FILIP1L: variants seen among roughly 807,000 people sequenced by gnomAD.
The protein encoded by FILIP1L is filamin A-interacting protein 1-like.
Under a neutral mutation model 96.6 loss-of-function variants are expected in FILIP1L, and 55 were observed. That is an observed-to-expected ratio of 0.57 (90% confidence interval 0.46 to 0.71). The LOEUF (loss-of-function observed/expected upper bound fraction) is 0.71. FILIP1L is among the 30% of genes least tolerant of loss of function. FILIP1L has a pLI of 0.00. For missense variants in FILIP1L, 1,304 were observed against 1,321.2 expected (o/e 0.99, Z 0.20); for synonymous variants, 467 against 473.9 (o/e 0.99, Z 0.19).
intron 4 of FILIP1L, among the ~76,000 whole-genome samples, chr3:99,894,813 G>C (rs959279628): frequency 8.5e-5 from 13 of 152,114 alleles, no homozygotes; most frequent in African/African-American, 2.2e-4. Flanking sequence ...TAATTCACAA[G>C]GTTTATATGT....
At chr3:99,951,377 G>A (rs897552442) in intron 1 of FILIP1L, among the ~76,000 whole-genome samples, 5 of 151,986 alleles carry the variant, frequency 3.3e-5, no homozygotes, top group African/African-American at 7.3e-5. Context: ...GGTACAGGAC[G>A]TGGTCTGTTT....
At chr3:99,899,615 G>A (rs1374850145) in intron 4 of FILIP1L, among the ~76,000 whole-genome samples, 1 of 152,080 alleles carries the variant, frequency 6.6e-6, no homozygotes, top group Admixed American at 6.5e-5. Context: ...CTATTTCTAG[G>A]ACAAAGTACT....
At chr3:99,860,365 T>C (rs1944182316) in intron 4 of FILIP1L, among the ~76,000 whole-genome samples, 1 of 152,094 alleles carries the variant, frequency 6.6e-6, no homozygotes, top group South Asian at 2.1e-4. Context: ...ACCCATTAAT[T>C]ATAAGGAGCT....
chr3:100,038,716 G>A (rs2065151871), intron 1 of FILIP1L, among the ~76,000 whole-genome samples: 5 of 152,038 alleles, frequency 3.3e-5, no homozygotes. Context: ...CTACATAGTA[G>A]CCTCAAACTC....
chr3:99,892,443 T>C (rs894482306), intron 4 of FILIP1L, among the ~76,000 whole-genome samples: 5 of 152,182 alleles, frequency 3.3e-5, no homozygotes, highest in Admixed American at 3.3e-4. Context: ...TGAACTCCCA[T>C]TGGCTCAAAC....
In FILIP1L at chr3:100,109,228, AT is replaced by A. The variant is rs2066445939; in HGVS notation, c.-11+4824del. Among the ~76,000 whole-genome samples, 3 of 152,124 alleles carry A rather than the reference AT, an allele frequency of 2.0e-5. No homozygotes were observed. In the South Asian group the frequency reaches 6.2e-4, roughly 32 times the overall value. On this transcript the variant is annotated intron_variant, in intron 1 of 5. Coordinates refer to ENST00000477258, the MANE Select transcript of FILIP1L (RefSeq NM_001387850.1). ...GTGTGTTTTAATATCCTAAAAAAAA[AT>A]TTTTCAATGAAAATCTGCAAGAATT...
intron 1 of FILIP1L, among the ~76,000 whole-genome samples, chr3:99,981,484 A>G (rs1274553761): frequency 6.6e-6 from 1 of 152,160 alleles, no homozygotes; most frequent in African/African-American, 2.4e-5. Context: ...TCACAATGAT[A>G]CATGATAAAT....
chr3:99,848,446 G>GGGCT lies in FILIP1L; in HGVS notation c.3226_3229dup (p.Pro1077GlnfsTer15). ...TGCTGAAGGGCTGGCAGGTCTCACA[G>GGGCT]GGCTGGCTACAGCTTGCATGTAAGG... On this transcript the variant is annotated frameshift_variant, in exon 5 of 6. Coordinates refer to ENST00000477258, the MANE Select transcript of FILIP1L (RefSeq NM_001387850.1). LOFTEE classifies it high-confidence loss of function. 5 of 1,614,170 alleles carry GGGCT rather than the reference G, an allele frequency of 3.1e-6. No individual in the cohort carries two copies. The Admixed American group carries it at 5.0e-5, about 16-fold the overall frequency.
chr3:100,060,689 C>A (rs1415688050), intron 1 of FILIP1L, among the ~76,000 whole-genome samples: 1 of 151,788 alleles, frequency 6.6e-6, no homozygotes, highest in Non-Finnish European at 1.5e-5. Flanking sequence ...ACCCCATCTC[C>A]ACAAAAAATA....
At chr3:99,891,511 A>G (rs759637313) in intron 4 of FILIP1L, among the ~76,000 whole-genome samples, 3 of 151,852 alleles carry the variant, frequency 2.0e-5, no homozygotes, top group African/African-American at 4.8e-5. Flanking sequence ...TTATAGATGT[A>G]TTTTTTGAAA....
At chr3:99,954,891 T>C (rs1378230692) in intron 1 of FILIP1L, among the ~76,000 whole-genome samples, 5 of 151,834 alleles carry the variant, frequency 3.3e-5, no homozygotes, top group African/African-American at 1.2e-4. Flanking sequence ...AATGAAATAA[T>C]TGAAGTGCTA....
chr3:100,068,772 C>A (rs767160158), intron 1 of FILIP1L, among the ~76,000 whole-genome samples: 1 of 152,152 alleles, frequency 6.6e-6, no homozygotes, highest in African/African-American at 2.4e-5. Flanking sequence ...GGAATACAGG[C>A]GCCCACCACC....
At chr3:99,984,046 A>ATGTGTGTGTGTGTGTGTGTG (rs1206336764) in intron 1 of FILIP1L, among the ~76,000 whole-genome samples, 20 of 14,050 alleles carry the variant, frequency 1.4e-3, no homozygotes, top group East Asian at 3.5e-3. Flanking sequence ...AAAAGGATGT[A>ATGTGTGTGTGTGTGTGTGTG]TATGTATGTG....
chr3:100,046,534 C>T (rs1229052716), intron 1 of FILIP1L, among the ~76,000 whole-genome samples: 1 of 151,858 alleles, frequency 6.6e-6, no homozygotes, highest in Non-Finnish European at 1.5e-5. Context: ...TCCCCAACTC[C>T]CCCCAGGATT....
chr3:99,924,318 A>G lies in FILIP1L; in HGVS notation c.517T>C (p.Leu173=), dbSNP rs185998456. ...TTTCTCTTTTCTTCCTCCAACTCCA[A>G]TATGGTTTGCCTACGGGATTTTTCT... ...VAEKSRRQTI[L]ELEEEKRKHK... The change falls in exon 4 of 6, where the codon TTG becomes CTG. Residue 173 remains leucine (L), a synonymous_variant. Coordinates refer to ENST00000477258, the MANE Select transcript of FILIP1L (RefSeq NM_001387850.1). The G allele has an allele frequency of 1.3e-5, 21 of 1,613,882 alleles. No individual in the cohort carries two copies. The highest frequency in any genetic ancestry group is 4.0e-5 in the African/African-American group (3 of 75,006).
intron 4 of FILIP1L, among the ~76,000 whole-genome samples, chr3:99,903,539 C>T (rs940028289): frequency 1.3e-5 from 2 of 152,046 alleles, no homozygotes; most frequent in Non-Finnish European, 2.9e-5. Context: ...CGTGAGCCAC[C>T]GCGCCCGGCC....
At chr3:99,859,608 T>C (rs1327305390) in intron 4 of FILIP1L, among the ~76,000 whole-genome samples, 2 of 152,250 alleles carry the variant, frequency 1.3e-5, no homozygotes, top group African/African-American at 2.4e-5. Context: ...ATAGCCTGAT[T>C]ATGATTATAT....
chr3:100,039,927 G>C (rs576489568), intron 1 of FILIP1L: 1 of 151,968 alleles, frequency 6.6e-6, no homozygotes, highest in African/African-American at 2.4e-5. Flanking sequence ...CTAATTTTTT[G>C]TATTTTTAGT....
intron 1 of FILIP1L, among the ~76,000 whole-genome samples, chr3:100,039,458 G>A (rs1166259010): frequency 6.6e-6 from 1 of 151,922 alleles, no homozygotes; most frequent in Admixed American, 6.6e-5. Context: ...ATACCAACTT[G>A]GTTTAATACT....
Sources: allele counts gnomAD v4.1 joint callset (sites outside exome capture counted in the v4.1 genomes callset), GRCh38; gene constraint gnomAD v4.1.1; transcripts MANE v1.5; gene names NCBI Gene and HGNC (gene_info 2026-07-23, HGNC 2026-07-21).